Variants in SLC5A10 observed in about 807,000 individuals in gnomAD.
SLC5A10 encodes the protein solute carrier family 5 member 10, also known as sodium/mannose cotransporter SLC5A10.
Under a neutral mutation model 68.9 loss-of-function variants are expected in SLC5A10, and 55 were observed. The ratio of observed to expected loss-of-function variants is 0.80; its 90% confidence interval spans 0.64 to 1.00. SLC5A10 has a LOEUF of 1.00. SLC5A10 is among the 50% of genes least tolerant of loss of function. The pLI, the probability that SLC5A10 is intolerant of heterozygous loss-of-function variation, is 0.00. For missense variants in SLC5A10, 732 were observed against 819.3 expected (o/e 0.89, Z 1.30); for synonymous variants, 344 against 344.8 (o/e 1.00, Z 0.02).
chr17:18,990,814 C>G (rs559447664), intron 9 of SLC5A10, among the ~76,000 whole-genome samples: 1 of 152,336 alleles, frequency 6.6e-6, no homozygotes, highest in South Asian at 2.1e-4. Context: ...CCCCAGGCAA[C>G]CCCCAACAGC....
At chr17:19,008,079 T>C (rs1199938415) in intron 9 of SLC5A10, among the ~76,000 whole-genome samples, 1 of 152,160 alleles carries the variant, frequency 6.6e-6, no homozygotes, top group Admixed American at 6.5e-5. Context: ...GTGATGGTGG[T>C]AAGCAAAATT....
intron 9 of SLC5A10, among the ~76,000 whole-genome samples, chr17:18,987,580 C>T (rs538553235): frequency 1.3e-5 from 2 of 152,196 alleles, no homozygotes; most frequent in South Asian, 4.2e-4. Flanking sequence ...GGTGACATGC[C>T]CAAGGACACA....
intron 9 of SLC5A10, among the ~76,000 whole-genome samples, chr17:19,008,264 C>T (rs1161872008): frequency 6.6e-6 from 1 of 152,150 alleles, no homozygotes; most frequent in African/African-American, 2.4e-5. Flanking sequence ...GTTTTGTAGA[C>T]AAGAATGATC....
chr17:19,007,506 C>T (rs1053243907), intron 9 of SLC5A10, among the ~76,000 whole-genome samples: 4 of 152,232 alleles, frequency 2.6e-5, no homozygotes, highest in East Asian at 1.9e-4. Context: ...GGACTCAAGC[C>T]GTCCTCCCAC....
chr17:18,965,049 C>T (rs1210188943), intron 5 of SLC5A10, among the ~76,000 whole-genome samples: 1 of 149,640 alleles, frequency 6.7e-6, no homozygotes, highest in Non-Finnish European at 1.5e-5. Flanking sequence ...AAGGCTGAGG[C>T]AGGAAAATCG....
intron 6 of SLC5A10, 23 bp downstream of exon 6, chr17:18,969,180 G>A: frequency 6.2e-7 from 1 of 1,610,894 alleles, no homozygotes. Context: ...CAGCAGGGAG[G>A]TCCACCCAGG....
chr17:18,997,003 C>T (rs1045199497), intron 9 of SLC5A10, among the ~76,000 whole-genome samples: 1 of 152,248 alleles, frequency 6.6e-6, no homozygotes, highest in Non-Finnish European at 1.5e-5. Context: ...GGGAGTGAAA[C>T]TGGATGAACT....
At chr17:19,002,603 C>T (rs1597893606) in intron 9 of SLC5A10, among the ~76,000 whole-genome samples, 1 of 152,246 alleles carries the variant, frequency 6.6e-6, no homozygotes, top group East Asian at 1.9e-4. Context: ...CTCAACACAG[C>T]TCACTAGGTA....
At chr17:18,963,579 C>A (rs917428272) in intron 5 of SLC5A10, among the ~76,000 whole-genome samples, 1 of 152,244 alleles carries the variant, frequency 6.6e-6, no homozygotes, top group African/African-American at 2.4e-5. Context: ...TTGAAGTGCA[C>A]GCGCCCAGGC....
chr17:19,022,125 GC>G lies in SLC5A10; in HGVS notation c.*1695del. On this transcript the variant is annotated 3_prime_UTR_variant, in exon 15 of 15. Coordinates refer to ENST00000395645, the MANE Select transcript of SLC5A10 (RefSeq NM_001042450.4). ...GGCTGAGAAGTCAAACTGGGCCTGG[GC>G]AAAGCAGGCCCCAGGTGACTGCAAG... 1 of 1,531,762 alleles carries G rather than the reference GC, an allele frequency of 6.5e-7. No individual in the cohort carries two copies. The highest frequency in any genetic ancestry group is 8.8e-7 in the Non-Finnish European group (1 of 1,140,424). 94.9% of individuals were successfully genotyped at this position (1,531,762 alleles called of 1,614,324 possible).
At chr17:19,005,844 TG>T (rs2043871962) in intron 9 of SLC5A10, among the ~76,000 whole-genome samples, 1 of 152,164 alleles carries the variant, frequency 6.6e-6, no homozygotes, top group Non-Finnish European at 1.5e-5. Flanking sequence ...TAGTGGCCCC[TG>T]GGGAACAGGC....
At position 19,006,408 on chromosome 17, in the gene SLC5A10, T is replaced by C. The variant is rs187484565; in HGVS notation, c.983-7002T>C. On this transcript the variant is annotated intron_variant, in intron 9 of 14. Coordinates refer to ENST00000395645, the MANE Select transcript of SLC5A10 (RefSeq NM_001042450.4). ...TTTTTTCTTTTTTCTTTTTTCTTTT[T>C]TTTTTTTTTTTGTAGAGACAAGGCC... 6.6e-3 allele frequency among the ~76,000 whole-genome samples: 965 copies of C among 145,666 alleles called. 10 individuals are homozygous for C. The highest frequency in any genetic ancestry group is 0.023 in the African/African-American group (909 of 40,208).
Position 18,959,125 on chromosome 17 carries a change from TCTCCTC to T in SLC5A10, c.184-8_184-3del. 1.9e-6 allele frequency: 3 copies of T among 1,606,136 alleles called. No homozygotes were observed. Among genetic ancestry groups the T allele is most frequent in the Non-Finnish European group, 2.6e-6 (3 of 1,173,884 alleles). ...CCTGCTGCTGATGCGTTTCCCTTTCTCTCCTCCAGATTGGAGCCTCCCTCTTCGCCA... is the reference window on the plus strand; with the variant it reads ...CCTGCTGCTGATGCGTTTCCCTTTCTCAGATTGGAGCCTCCCTCTTCGCCA... On this transcript the variant is annotated splice_polypyrimidine_tract_variant and splice_region_variant and intron_variant, in intron 2 of 14. Coordinates refer to ENST00000395645, the MANE Select transcript of SLC5A10 (RefSeq NM_001042450.4).
At chr17:18,995,155 A>G (rs772476500) in intron 9 of SLC5A10, among the ~76,000 whole-genome samples, 193 of 152,210 alleles carry the variant, frequency 1.3e-3, no homozygotes, top group Non-Finnish European at 2.2e-3. Flanking sequence ...AGAAAACATG[A>G]TGCACATGAG....
intron 1 of SLC5A10, chr17:18,953,645 G>A (rs2151988344): frequency 1.3e-5 from 2 of 152,734 alleles, no homozygotes; most frequent in African/African-American, 2.4e-5. Flanking sequence ...AGTGGTGGTG[G>A]TGGTGGCAGT....
chr17:18,994,476 C>G (rs2043512923), intron 9 of SLC5A10, among the ~76,000 whole-genome samples: 1 of 152,132 alleles, frequency 6.6e-6, no homozygotes, highest in East Asian at 1.9e-4. Context: ...GCAGAGGGTC[C>G]CCTGGAGTCT....
At chr17:18,952,414 G>A in intron 1 of SLC5A10, 98 bp downstream of exon 1, 2 of 1,417,056 alleles carry the variant, frequency 1.4e-6, no homozygotes, top group Non-Finnish European at 9.6e-7. Context: ...GTCAGCATTG[G>A]TCCCAGCTGG....
chr17:19,016,323 C>T (rs1299887184), intron 11 of SLC5A10, among the ~76,000 whole-genome samples: 1 of 152,166 alleles, frequency 6.6e-6, no homozygotes, highest in Admixed American at 6.5e-5. Flanking sequence ...CAGGTATGAG[C>T]CAGTGTGCCC....
rs200173462 is a variant in SLC5A10, at chr17:19,013,552, C to T, written c.1090+35C>T. On this transcript the variant is annotated intron_variant, in intron 10 of 14. Coordinates refer to ENST00000395645, the MANE Select transcript of SLC5A10 (RefSeq NM_001042450.4). ...TGTGGGTGGGGGTCTGGGTGGAGGG[C>T]GTGGGGTTGGACTTGGGGCCCAATG... is the stretch of plus-strand genomic sequence containing the variant. The T allele has an allele frequency of 9.4e-6, 13 of 1,389,606 alleles. No individual in the cohort carries two copies. The East Asian group carries it at 1.0e-4, about 11-fold the overall frequency. The allele number at this position is 1,389,606 out of a possible 1,614,324, so 86.1% of individuals were successfully genotyped here.
Sources: gnomAD v4.1 joint callset for allele counts (sites outside exome capture counted in the v4.1 genomes callset) on GRCh38, gnomAD v4.1.1 for gene constraint, MANE v1.5 for transcripts, NCBI Gene and HGNC (gene_info 2026-07-23, HGNC 2026-07-21) for gene names.